Variants in GRIN2A observed in about 807,000 individuals in gnomAD.
GRIN2A encodes glutamate receptor ionotropic, NMDA 2A.
GRIN2A carries 22 observed loss-of-function variants against 113.4 expected under a neutral mutation model. The observed-to-expected ratio is 0.19, with a 90% CI of 0.14 to 0.28. The LOEUF (loss-of-function observed/expected upper bound fraction) is 0.28. GRIN2A is among the 10% of genes least tolerant of loss of function. GRIN2A has a pLI of 1.00. For missense variants in GRIN2A, 1,502 were observed against 1,887.0 expected (o/e 0.80, Z 3.78); for synonymous variants, 827 against 738.4 (o/e 1.12, Z -1.94).
chr16:10,112,710 G>T, intron 2 of GRIN2A: 1 of 743,718 alleles, frequency 1.3e-6, no homozygotes, highest in Non-Finnish European at 2.5e-6. Context: ...GGGTGTCTCG[G>T]CCTCCATCCA....
intron 5 of GRIN2A, among the ~76,000 whole-genome samples, chr16:9,847,220 A>G (rs951919360): frequency 1.3e-5 from 2 of 152,140 alleles, no homozygotes; most frequent in African/African-American, 4.8e-5. Flanking sequence ...GGGGGAAGGA[A>G]AGGGACAGCC....
intron 11 of GRIN2A, among the ~76,000 whole-genome samples, chr16:9,797,094 C>A (rs1903038760): frequency 6.6e-6 from 1 of 152,222 alleles, no homozygotes; most frequent in Admixed American, 6.5e-5. Flanking sequence ...TTCACACTAA[C>A]CCTATGCACT....
intron 2 of GRIN2A, among the ~76,000 whole-genome samples, chr16:10,051,255 G>T (rs2047354562): frequency 6.6e-6 from 1 of 152,192 alleles, no homozygotes; most frequent in Non-Finnish European, 1.5e-5. Flanking sequence ...CTTTGGGACT[G>T]TTTTTCCTCT....
chr16:10,066,449 T>C (rs1161244264), intron 2 of GRIN2A, among the ~76,000 whole-genome samples: 1 of 152,194 alleles, frequency 6.6e-6, no homozygotes, highest in Non-Finnish European at 1.5e-5. Context: ...AAATGGTACC[T>C]GAAGACAGAT....
chr16:10,078,669 TC>T (rs1282173396), intron 2 of GRIN2A, among the ~76,000 whole-genome samples: 1 of 152,116 alleles, frequency 6.6e-6, no homozygotes, highest in Non-Finnish European at 1.5e-5. Flanking sequence ...CGAGGCAACC[TC>T]GAGGCTGGGA....
intron 2 of GRIN2A, among the ~76,000 whole-genome samples, chr16:10,094,483 C>T (rs561509726): frequency 5.9e-5 from 9 of 151,732 alleles, no homozygotes; most frequent in African/African-American, 1.9e-4. Context: ...GAATCTCGCT[C>T]TTATTGCCCA....
At chr16:9,829,720 C>T (rs371041269) in intron 8 of GRIN2A, 68 bp from the exon 9 acceptor site, 35 of 1,061,568 alleles carry the variant, frequency 3.3e-5, no homozygotes, top group Non-Finnish European at 4.5e-5. Context: ...ATGACAACCA[C>T]GCAGCAGCCA....
chr16:9,791,009 T>C (rs903465488), intron 11 of GRIN2A, among the ~76,000 whole-genome samples: 2 of 152,184 alleles, frequency 1.3e-5, no homozygotes, highest in Non-Finnish European at 2.9e-5. Flanking sequence ...TGGACTAGCT[T>C]CTTTATGTTT....
intron 2 of GRIN2A, among the ~76,000 whole-genome samples, chr16:10,027,378 T>G (rs1351677990): frequency 2.6e-5 from 4 of 152,202 alleles, no homozygotes; most frequent in Middle Eastern, 3.4e-3. Flanking sequence ...TGTCCCCCCC[T>G]GCCAGTGCTC....
intron 2 of GRIN2A, among the ~76,000 whole-genome samples, chr16:9,953,043 G>C (rs976241922): frequency 6.6e-6 from 1 of 152,182 alleles, no homozygotes. Flanking sequence ...ACTTGAGCTT[G>C]AGTATGAGGA....
intron 2 of GRIN2A, among the ~76,000 whole-genome samples, chr16:10,108,058 T>C (rs542921551): frequency 2.6e-5 from 4 of 152,342 alleles, no homozygotes; most frequent in African/African-American, 9.6e-5. Flanking sequence ...GATTAGGTAC[T>C]CCTTGCATCA....
At chr16:9,918,650 A>C (rs896014759) in intron 3 of GRIN2A, among the ~76,000 whole-genome samples, 1 of 152,204 alleles carries the variant, frequency 6.6e-6, no homozygotes, top group Non-Finnish European at 1.5e-5. Flanking sequence ...ATTAAAGTCC[A>C]AAGTATCTTG....
At chr16:9,840,844 G>GAA in intron 6 of GRIN2A, 44 bp from the exon 7 acceptor site, 3 of 1,404,366 alleles carry the variant, frequency 2.1e-6, no homozygotes, top group Non-Finnish European at 3.0e-6. Context: ...GAGAGAGAGA[G>GAA]AACAACAGTA....
At chr16:9,955,133 A>G (rs1263293156) in intron 2 of GRIN2A, among the ~76,000 whole-genome samples, 1 of 152,166 alleles carries the variant, frequency 6.6e-6, no homozygotes, top group East Asian at 1.9e-4. Flanking sequence ...TGAGCTTACC[A>G]CTACTGCAGT....
rs1567266287 is a variant in GRIN2A, at chr16:10,055,046, T to TAAAAAAAAAAAAAAAAA, written c.415-116496_415-116495insTTTTTTTTTTTTTTTTT. ...CCAGGCAACAGAGCGAGACTCTATC[T>TAAAAAAAAAAAAAAAAA]CAAAAAAAAAAAAAAAAAAAAAAAA... On this transcript the variant is annotated intron_variant, in intron 2 of 12. Coordinates refer to ENST00000330684, the MANE Select transcript of GRIN2A (RefSeq NM_001134407.3). 1.6e-3 allele frequency among the ~76,000 whole-genome samples: 20 copies of TAAAAAAAAAAAAAAAAA among 12,488 alleles called. 1 individual carries two copies. Among genetic ancestry groups the TAAAAAAAAAAAAAAAAA allele is most frequent in the Admixed American group, 3.4e-3 (2 of 596 alleles). 8.2% of individuals were successfully genotyped at this position (12,488 alleles called of 152,430 possible). A position where few individuals can be genotyped will look rare whatever the true frequency, so the allele number is the denominator to read the frequency against.
At chr16:9,996,908 A>T (rs921249197) in intron 2 of GRIN2A, among the ~76,000 whole-genome samples, 1 of 152,308 alleles carries the variant, frequency 6.6e-6, no homozygotes, top group African/African-American at 2.4e-5. Flanking sequence ...GTGTTTTTTT[A>T]AATCATAAAA....
chr16:9,943,334 G>C (rs1004020120), intron 2 of GRIN2A: 1 of 152,242 alleles, frequency 6.6e-6, no homozygotes, highest in African/African-American at 2.4e-5. Context: ...AACACAGAGC[G>C]AGGGAGGCAG....
At chr16:10,128,109 A>C (rs1042687035) in intron 2 of GRIN2A, among the ~76,000 whole-genome samples, 1 of 152,134 alleles carries the variant, frequency 6.6e-6, no homozygotes, top group Non-Finnish European at 1.5e-5. Flanking sequence ...GCTTATTTTC[A>C]TCCATTGTTG....
At chr16:9,951,906 G>A (rs2045193064) in intron 2 of GRIN2A, among the ~76,000 whole-genome samples, 1 of 152,268 alleles carries the variant, frequency 6.6e-6, no homozygotes, top group Admixed American at 6.5e-5. Flanking sequence ...GTCTTCTCCA[G>A]TGTTGATGAA....
Sources: gnomAD v4.1 joint callset for allele counts (sites outside exome capture counted in the v4.1 genomes callset) on GRCh38, gnomAD v4.1.1 for gene constraint, MANE v1.5 for transcripts, NCBI Gene and HGNC (gene_info 2026-07-23, HGNC 2026-07-21) for gene names.